CREB5: variants seen among roughly 807,000 people sequenced by gnomAD.
The protein encoded by CREB5 is cyclic AMP-responsive element-binding protein 5.
CREB5 carries 19 observed loss-of-function variants against 57.1 expected under a neutral mutation model. That is an observed-to-expected ratio of 0.33 (90% CI 0.23 to 0.49). The LOEUF is 0.49. CREB5 is among the 20% of genes least tolerant of loss of function. CREB5 has a pLI of 0.99. For missense variants in CREB5, 579 were observed against 671.6 expected, an observed-to-expected ratio of 0.86 and a Z score of 1.52; for synonymous variants, 238 against 238.3, an observed-to-expected ratio of 1.00 and a Z score of 0.01.
chr7:28,564,846 G>GA (rs938617928), intron 4 of CREB5, among the ~76,000 whole-genome samples: 56 of 152,318 alleles, frequency 3.7e-4, no homozygotes, highest in African/African-American at 1.3e-3. Context: ...TGGTTATGAA[G>GA]AAAAATCAAC....
intron 7 of CREB5, among the ~76,000 whole-genome samples, chr7:28,798,889 T>C (rs1326465102): frequency 6.6e-6 from 1 of 152,160 alleles, no homozygotes; most frequent in Non-Finnish European, 1.5e-5. Context: ...TGGCATTAGG[T>C]GGAATGTTAT....
At chr7:28,444,585 G>A (rs1191255664) in intron 1 of CREB5, among the ~76,000 whole-genome samples, 1 of 152,206 alleles carries the variant, frequency 6.6e-6, no homozygotes, top group Non-Finnish European at 1.5e-5. Flanking sequence ...CTCCACCAGA[G>A]GAGAAGCTGT....
chr7:28,560,919 T>TGTGTGC lies in CREB5; in HGVS notation c.292-9443_292-9442insTGCGTG, dbSNP rs1554344482. Among the ~76,000 whole-genome samples, 34 of 42,992 alleles carry TGTGTGC rather than the reference T, an allele frequency of 7.9e-4. 6 individuals carry two copies. The highest frequency in any genetic ancestry group is 3.4e-3 in the African/African-American group (33 of 9,580). 28.2% of individuals were successfully genotyped at this position (42,992 alleles called of 152,430 possible). A position where few individuals can be genotyped will look rare whatever the true frequency, so the allele number is the denominator to read the frequency against. ...GTGCGTGCGCGCGTGCGTGTGCGTG[T>TGTGTGC]GTGCGCGTGCGTGTGTGCGTGCGTG... On this transcript the variant is annotated intron_variant, in intron 4 of 10. Coordinates refer to ENST00000357727, the MANE Select transcript of CREB5 (RefSeq NM_182898.4).
At chr7:28,624,004 C>T (rs1300469582) in intron 5 of CREB5, among the ~76,000 whole-genome samples, 3 of 152,144 alleles carry the variant, frequency 2.0e-5, no homozygotes, top group Admixed American at 2.0e-4. Context: ...ATGACAACTT[C>T]CTCCATTATC....
intron 4 of CREB5, among the ~76,000 whole-genome samples, chr7:28,523,521 G>A (rs920279865): frequency 1.3e-5 from 2 of 152,208 alleles, no homozygotes; most frequent in Non-Finnish European, 2.9e-5. Context: ...GGGATCGTGT[G>A]TACAGTAGAA....
intron 1 of CREB5, among the ~76,000 whole-genome samples, chr7:28,462,451 G>C (rs1294190861): frequency 6.6e-6 from 1 of 152,160 alleles, no homozygotes; most frequent in East Asian, 1.9e-4. Context: ...GAGTGGAATG[G>C]CTGGGTCATT....
intron 4 of CREB5, among the ~76,000 whole-genome samples, chr7:28,550,809 T>C (rs1374811872): frequency 6.6e-6 from 1 of 152,202 alleles, no homozygotes; most frequent in East Asian, 1.9e-4. Context: ...TGTAAATTGC[T>C]TACATAGCAT....
At chr7:28,387,842 T>G (rs1787143056) in intron 1 of CREB5, among the ~76,000 whole-genome samples, 1 of 152,178 alleles carries the variant, frequency 6.6e-6, no homozygotes, top group African/African-American at 2.4e-5. Flanking sequence ...AAAAAATATG[T>G]GGTGTTTTGA....
chr7:28,427,792 T>C (rs1403168139), intron 1 of CREB5, among the ~76,000 whole-genome samples: 2 of 152,116 alleles, frequency 1.3e-5, no homozygotes, highest in Non-Finnish European at 2.9e-5. Flanking sequence ...TCTATTTCTT[T>C]CCTGGGTTTA....
intron 1 of CREB5, among the ~76,000 whole-genome samples, chr7:28,446,514 C>G (rs181382712): frequency 1.3e-5 from 2 of 152,088 alleles, no homozygotes; most frequent in Non-Finnish European, 2.9e-5. Context: ...ATTGTAGGTC[C>G]GGGCGTGGTG....
In CREB5 at chr7:28,824,740, AT is replaced by A. The variant is rs1345692903; in HGVS notation, c.*5468del. The A allele has an allele frequency of 6.6e-6, 1 of 152,628 alleles. No individual in the cohort carries two copies. The highest frequency in any genetic ancestry group is 6.5e-5 in the Admixed American group (1 of 15,294). The allele number at this position is 152,628 out of a possible 1,614,324, so 9.5% of individuals were successfully genotyped here. A position where few individuals can be genotyped will look rare whatever the true frequency, so the allele number is the denominator to read the frequency against. ...CAAATTGCTTAAAGAGTGTTTATAT[AT>A]TTTTTTCCTTATAAATTGTCTATTT... is the stretch of plus-strand genomic sequence containing the variant. On this transcript the variant is annotated 3_prime_UTR_variant, in exon 11 of 11. Coordinates refer to ENST00000357727, the MANE Select transcript of CREB5 (RefSeq NM_182898.4).
chr7:28,442,654 C>T (rs968755748), intron 1 of CREB5, among the ~76,000 whole-genome samples: 3 of 152,146 alleles, frequency 2.0e-5, no homozygotes, highest in Non-Finnish European at 4.4e-5. Flanking sequence ...GCCATTCTAA[C>T]TGGGGTGAGA....
intron 5 of CREB5, among the ~76,000 whole-genome samples, chr7:28,583,248 A>T (rs557211831): frequency 1.3e-5 from 2 of 152,328 alleles, no homozygotes; most frequent in East Asian, 3.8e-4. Flanking sequence ...TACCACAAAC[A>T]AGAGGAAAAG....
rs550240558 is a variant in CREB5 at position 28,455,462 on chromosome 7, A to T, written c.4-32713A>T. On this transcript the variant is annotated intron_variant, in intron 1 of 10. Coordinates refer to ENST00000357727, the MANE Select transcript of CREB5 (RefSeq NM_182898.4). ...GCAGAAAGGGCACTGCTGACTAGCT[A>T]TTTGAAGAAAATAGCGACTAGCTAT... Among the ~76,000 whole-genome samples, 76 of 152,378 alleles carry T rather than the reference A, an allele frequency of 5.0e-4. No homozygotes were observed. The South Asian group carries it at 6.4e-3, about 13-fold the overall frequency.
At chr7:28,581,316 G>A (rs957780342) in intron 5 of CREB5, among the ~76,000 whole-genome samples, 1 of 152,200 alleles carries the variant, frequency 6.6e-6, no homozygotes, top group Non-Finnish European at 1.5e-5. Flanking sequence ...GCCTTCTTTA[G>A]GGATCTCAGA....
intron 1 of CREB5, among the ~76,000 whole-genome samples, chr7:28,383,465 C>T (rs1234369723): frequency 2.0e-5 from 3 of 152,090 alleles, no homozygotes; most frequent in Admixed American, 1.3e-4. Flanking sequence ...AAGCATGGCA[C>T]CAGCATCTAC....
At chr7:28,788,090 T>A (rs1216064053) in intron 7 of CREB5, among the ~76,000 whole-genome samples, 1 of 152,190 alleles carries the variant, frequency 6.6e-6, no homozygotes, top group African/African-American at 2.4e-5. Context: ...TTAACCTGGC[T>A]GTCAGGTTAA....
At chr7:28,304,018 C>G (rs1433809567) in intron 1 of CREB5, among the ~76,000 whole-genome samples, 1 of 152,084 alleles carries the variant, frequency 6.6e-6, no homozygotes, top group African/African-American at 2.4e-5. Context: ...TCCAATATTT[C>G]CATTTGGAAT....
intron 5 of CREB5, among the ~76,000 whole-genome samples, chr7:28,698,696 G>T (rs1261173461): frequency 6.6e-6 from 1 of 152,176 alleles, no homozygotes; most frequent in African/African-American, 2.4e-5. Flanking sequence ...TTGTGGAAAT[G>T]CTATGTTTTA....
Sources: allele counts gnomAD v4.1 joint callset (sites outside exome capture counted in the v4.1 genomes callset), GRCh38; gene constraint gnomAD v4.1.1; transcripts MANE v1.5; gene names NCBI Gene and HGNC (gene_info 2026-07-23, HGNC 2026-07-21).